Variants in MYO18B observed in about 807,000 individuals in gnomAD.
MYO18B encodes the protein unconventional myosin-XVIIIb.
Under a neutral mutation model 273.0 loss-of-function variants are expected in MYO18B, and 204 were observed. That is an observed-to-expected ratio of 0.75 (90% CI 0.67 to 0.84). MYO18B has a LOEUF of 0.84. MYO18B is among the 40% of genes least tolerant of loss of function. The probability of loss-of-function intolerance (pLI) is 0.00; values close to 1 mark genes in which losing one functional copy is unlikely to be tolerated. For missense variants in MYO18B, 3,212 were observed against 3,287.6 expected (o/e 0.98, Z 0.56); for synonymous variants, 1,330 against 1,305.7 (o/e 1.02, Z -0.40).
At chr22:25,872,541 G>A (rs578054282) in intron 22 of MYO18B, among the ~76,000 whole-genome samples, 3 of 152,200 alleles carry the variant, frequency 2.0e-5, no homozygotes, top group Non-Finnish European at 4.4e-5. Flanking sequence ...AAAGCACTTT[G>A]GAAAATGTAG....
intron 1 of MYO18B, chr22:25,756,597 G>A (rs1001400261): frequency 6.6e-6 from 1 of 152,250 alleles, no homozygotes; most frequent in Non-Finnish European, 1.5e-5. Flanking sequence ...TGTTCACAAT[G>A]GACTCTCAGA....
intron 12 of MYO18B, among the ~76,000 whole-genome samples, chr22:25,800,103 A>G (rs1204601683): frequency 6.6e-6 from 1 of 152,230 alleles, no homozygotes; most frequent in Non-Finnish European, 1.5e-5. Flanking sequence ...CAAATATCAT[A>G]CATTCTCACT....
intron 23 of MYO18B, 66 bp from the exon 24 acceptor site, chr22:25,876,123 C>G (rs1601431410): frequency 6.5e-7 from 1 of 1,542,884 alleles, no homozygotes; most frequent in Non-Finnish European, 8.8e-7. Context: ...CCTCTGCCTC[C>G]TCTCCTTCCT....
At chr22:25,881,598 A>G (rs1477155731) in intron 25 of MYO18B, among the ~76,000 whole-genome samples, 1 of 152,150 alleles carries the variant, frequency 6.6e-6, no homozygotes, top group Admixed American at 6.5e-5. Flanking sequence ...TGGATTTGCC[A>G]TGCATCGGCT....
intron 1 of MYO18B, among the ~76,000 whole-genome samples, chr22:25,758,300 C>A (rs1018911461): frequency 6.6e-6 from 1 of 151,378 alleles, no homozygotes; most frequent in African/African-American, 2.4e-5. Context: ...ATGTGAGCCA[C>A]CACAACTGGC....
chr22:25,818,812 G>T (rs1252874587), intron 12 of MYO18B, among the ~76,000 whole-genome samples: 1 of 152,102 alleles, frequency 6.6e-6, no homozygotes, highest in African/African-American at 2.4e-5. Flanking sequence ...ACTCTGCTGG[G>T]TATCTCACAT....
chr22:26,043,504 T>A, the MYO18B span, among the ~76,000 whole-genome samples: 1 of 146,166 alleles, frequency 6.8e-6, no homozygotes, highest in Non-Finnish European at 1.5e-5. Context: ...CTTCCTTTTT[T>A]TTCTTTCTTT....
chr22:25,753,078 C>T (rs1051797079), intron 1 of MYO18B, among the ~76,000 whole-genome samples: 1 of 137,178 alleles, frequency 7.3e-6, no homozygotes, highest in African/African-American at 2.8e-5. Flanking sequence ...CATACCCGAG[C>T]CCCCCACCAC....
chr22:25,848,633 G>C (rs979039808), intron 20 of MYO18B, among the ~76,000 whole-genome samples: 3 of 152,138 alleles, frequency 2.0e-5, no homozygotes, highest in African/African-American at 7.2e-5. Flanking sequence ...AAGTTTTTGG[G>C]TCTGTATTTT....
At position 26,026,671 on chromosome 22, in the gene MYO18B, A is replaced by G. The variant is rs775453283; in HGVS notation, c.6697A>G (p.Thr2233Ala). The part of the protein sequence containing the change: ...PASSPLASRS[T>A]NTSPLSREKL... Reference sequence around the variant, plus strand: ...TTCCTCTCCCCTGGCTTCTCGGAGTACAAATACATCCCCGCTGTCGAGGGA... The same window carrying G: ...TTCCTCTCCCCTGGCTTCTCGGAGTGCAAATACATCCCCGCTGTCGAGGGA... The change falls in exon 43 of 44, where the codon ACA (threonine) becomes GCA (alanine). Residue 2233 changes from threonine to alanine, a missense_variant. Transcript: ENST00000335473. The G allele has an allele frequency of 4.3e-6, 7 of 1,613,742 alleles. No individual in the cohort carries two copies. The Admixed American group carries it at 5.0e-5, about 12-fold the overall frequency.
rs193136200 is a variant in MYO18B at position 25,824,509 on chromosome 22, C to G, written c.2695+831C>G. On this transcript the variant is annotated intron_variant, in intron 13 of 43. Coordinates refer to ENST00000335473, the MANE Select transcript of MYO18B (RefSeq NM_032608.7). ...GGATGTGATCTGCTGGGTCCCAAGTCTGCAGCCTCTGTGCATCTTTGGGAG... is the reference window on the plus strand; with the variant it reads ...GGATGTGATCTGCTGGGTCCCAAGTGTGCAGCCTCTGTGCATCTTTGGGAG... 8.8e-4 allele frequency among the ~76,000 whole-genome samples: 134 copies of G among 152,298 alleles called. 1 individual carries two copies. Among genetic ancestry groups the G allele is most frequent in the African/African-American group, 3.2e-3 (133 of 41,566 alleles).
At chr22:25,808,814 T>C (rs2088601762) in intron 12 of MYO18B, among the ~76,000 whole-genome samples, 1 of 152,220 alleles carries the variant, frequency 6.6e-6, no homozygotes, top group South Asian at 2.1e-4. Flanking sequence ...CCTAGGGTTC[T>C]TGTGAGGCTG....
At chr22:25,769,859 ATTT>A (rs57200528) in intron 4 of MYO18B, among the ~76,000 whole-genome samples, 1 of 144,786 alleles carries the variant, frequency 6.9e-6, no homozygotes, top group Non-Finnish European at 1.5e-5. Flanking sequence ...TTTATGTAGT[ATTT>A]TTTTTTTTTT....
At chr22:26,042,941 C>T in the MYO18B span, among the ~76,000 whole-genome samples, 4 of 152,150 alleles carry the variant, frequency 2.6e-5, no homozygotes, top group East Asian at 1.9e-4. Flanking sequence ...ATCTACTTTG[C>T]GTGCAATGAA....
chr22:26,045,926 G>T, the MYO18B span, among the ~76,000 whole-genome samples: 1 of 152,206 alleles, frequency 6.6e-6, no homozygotes, highest in South Asian at 2.1e-4. Flanking sequence ...GTGACAACAG[G>T]TAACTGATAC....
chr22:25,790,726 G>A (rs992630441), intron 11 of MYO18B, among the ~76,000 whole-genome samples: 2 of 152,184 alleles, frequency 1.3e-5, no homozygotes, highest in Non-Finnish European at 2.9e-5. Flanking sequence ...AGCAGAGATC[G>A]GTTAATTAAA....
At chr22:25,994,636 C>A (rs900402314) in intron 40 of MYO18B, among the ~76,000 whole-genome samples, 6 of 152,234 alleles carry the variant, frequency 3.9e-5, no homozygotes, top group African/African-American at 7.2e-5. Context: ...GGTGAAAGGG[C>A]AAATCCTGAT....
In MYO18B at chr22:25,772,396, C is replaced by T. The variant is rs778638671; in HGVS notation, c.1755C>T (p.Ser585=). The T allele has an allele frequency of 1.2e-6, 2 of 1,614,042 alleles. No homozygotes were observed. Among genetic ancestry groups the T allele is most frequent in the Non-Finnish European group, 8.5e-7 (1 of 1,179,900 alleles). Residue 585 remains serine, a synonymous_variant, in exon 7 of 44, where the codon TCC becomes TCT. Coordinates refer to ENST00000335473, the MANE Select transcript of MYO18B (RefSeq NM_032608.7). ...CCTCTCTCATCAGTGTCAACGAATCCAGTGTCCTGAACACGCTTCTGCAGC... is the reference window on the plus strand; with the variant it reads ...CCTCTCTCATCAGTGTCAACGAATCTAGTGTCCTGAACACGCTTCTGCAGC... ...DLASLISVNE[S]SVLNTLLQRY... is the part of the protein sequence containing the mutation.
chr22:25,967,469 C>T (rs557169231), intron 39 of MYO18B, among the ~76,000 whole-genome samples: 11 of 152,188 alleles, frequency 7.2e-5, no homozygotes, highest in Non-Finnish European at 1.5e-4. Context: ...AAGTATAATT[C>T]GGTTTGAAGG....
Sources: gnomAD v4.1 joint callset for allele counts (sites outside exome capture counted in the v4.1 genomes callset) on GRCh38, gnomAD v4.1.1 for gene constraint, MANE v1.5 for transcripts, NCBI Gene and HGNC (gene_info 2026-07-23, HGNC 2026-07-21) for gene names.